CHKA: variants seen among roughly 807,000 people sequenced by gnomAD.
CHKA encodes CHETK-alpha.
CHKA carries 34 observed loss-of-function variants against 60.1 expected under a neutral mutation model. The observed-to-expected ratio is 0.57, with a 90% CI of 0.43 to 0.75. The LOEUF (loss-of-function observed/expected upper bound fraction) is 0.75, where lower values mean the gene tolerates loss of function less well. Among genes scored for constraint, CHKA ranks in the 30% least tolerant of loss-of-function variants. The probability of loss-of-function intolerance (pLI) is 0.00; values close to 1 mark genes in which losing one functional copy is unlikely to be tolerated. For missense variants in CHKA, 563 were observed against 561.3 expected (o/e 1.00, Z -0.03); for synonymous variants, 217 against 223.1 (o/e 0.97, Z 0.24).
chr11:68,114,983 T>C (rs945957261), intron 1 of CHKA, among the ~76,000 whole-genome samples: 1 of 152,226 alleles, frequency 6.6e-6, no homozygotes, highest in Non-Finnish European at 1.5e-5. Context: ...GTTCAACTTA[T>C]GATTTTTCGA....
At chr11:68,109,915 G>A (rs1015401805) in intron 1 of CHKA, among the ~76,000 whole-genome samples, 1 of 152,132 alleles carries the variant, frequency 6.6e-6, no homozygotes, top group African/African-American at 2.4e-5. Context: ...TCACGCCACT[G>A]CACTCCAGTG....
In CHKA at chr11:68,121,271, G is replaced by A. The variant is rs1858640326; in HGVS notation, c.-94C>T. 6 of 1,006,916 alleles carry A rather than the reference G, an allele frequency of 6.0e-6. No individual in the cohort carries two copies. Among genetic ancestry groups the A allele is most frequent in the Non-Finnish European group, 7.2e-6 (6 of 833,718 alleles). 62.4% of individuals were successfully genotyped at this position (1,006,916 alleles called of 1,614,324 possible). A position where few individuals can be genotyped will look rare whatever the true frequency, so the allele number is the denominator to read the frequency against. On this transcript the variant is annotated 5_prime_UTR_variant, in exon 1 of 12. Transcript: ENST00000265689. ...GCGCCCCCTCGCCGCTCTCTCACTG[G>A]CAGGCCGGCGGGGCAGGGGGCCGCG...
intron 7 of CHKA, among the ~76,000 whole-genome samples, chr11:68,068,227 G>T (rs905332968): frequency 6.6e-6 from 1 of 152,156 alleles, no homozygotes; most frequent in East Asian, 1.9e-4. Context: ...TGGTGCAGAA[G>T]GGGGAAGGGC....
intron 3 of CHKA, among the ~76,000 whole-genome samples, chr11:68,075,971 G>C (rs534230394): frequency 6.6e-6 from 1 of 152,156 alleles, no homozygotes; most frequent in Non-Finnish European, 1.5e-5. Context: ...ACCAAAAACT[G>C]AGAAACCAAG....
chr11:68,120,461 AC>A (rs1359886397), intron 1 of CHKA, among the ~76,000 whole-genome samples: 1 of 152,208 alleles, frequency 6.6e-6, no homozygotes, highest in Admixed American at 6.5e-5. Context: ...CAGCCACAAC[AC>A]CTTCATTCAA....
At chr11:68,056,182 T>C (rs558696932) in intron 11 of CHKA, among the ~76,000 whole-genome samples, 1 of 152,372 alleles carries the variant, frequency 6.6e-6, no homozygotes, top group Non-Finnish European at 1.5e-5. Flanking sequence ...CTTTTCATTT[T>C]CTCCATGATA....
At chr11:68,090,509 A>G (rs758678278) in intron 2 of CHKA, among the ~76,000 whole-genome samples, 5 of 152,216 alleles carry the variant, frequency 3.3e-5, no homozygotes, top group Non-Finnish European at 7.3e-5. Flanking sequence ...CTGATTTCTC[A>G]GTAGCTGGTA....
At chr11:68,103,504 T>C (rs1857801718) in intron 1 of CHKA, among the ~76,000 whole-genome samples, 1 of 152,180 alleles carries the variant, frequency 6.6e-6, no homozygotes, top group African/African-American at 2.4e-5. Context: ...TTACACACTG[T>C]TGATGGCAAT....
chr11:68,071,324 G>A (rs184752229), intron 4 of CHKA, among the ~76,000 whole-genome samples: 93 of 152,322 alleles, frequency 6.1e-4, no homozygotes, highest in Middle Eastern at 3.4e-3. Flanking sequence ...CAGGAGATGC[G>A]TCACAGAGAC....
chr11:68,077,985 C>G (rs1020188311), intron 3 of CHKA, among the ~76,000 whole-genome samples: 1 of 152,144 alleles, frequency 6.6e-6, no homozygotes, highest in Non-Finnish European at 1.5e-5. Context: ...CTGGGGCTTA[C>G]AGATACCAAT....
chr11:68,108,527 G>A (rs1479500022), intron 1 of CHKA, among the ~76,000 whole-genome samples: 3 of 152,172 alleles, frequency 2.0e-5, no homozygotes, highest in Non-Finnish European at 2.9e-5. Context: ...GGAGGATCAC[G>A]AGGTCAGGAG....
chr11:68,084,315 T>TAC (rs1462605145), intron 2 of CHKA, among the ~76,000 whole-genome samples: 3 of 140,150 alleles, frequency 2.1e-5, no homozygotes, highest in Admixed American at 7.1e-5. Context: ...TATATACATG[T>TAC]GTATATATAT....
At chr11:68,108,511 A>G (rs1284460727) in intron 1 of CHKA, among the ~76,000 whole-genome samples, 8 of 152,184 alleles carry the variant, frequency 5.3e-5, no homozygotes, top group East Asian at 1.9e-4. Flanking sequence ...TTGGGAGGCC[A>G]AGGCGGGAGG....
chr11:68,101,010 C>T (rs926322673), intron 1 of CHKA, among the ~76,000 whole-genome samples: 10 of 141,638 alleles, frequency 7.1e-5, no homozygotes, highest in Non-Finnish European at 9.0e-5. Flanking sequence ...TGCAACAGCG[C>T]GATCTCGGCT....
intron 10 of CHKA, among the ~76,000 whole-genome samples, chr11:68,062,766 CATCT>C (rs1394876366): frequency 2.6e-5 from 4 of 152,186 alleles, no homozygotes; most frequent in African/African-American, 9.7e-5. Context: ...GGTTCTCCTC[CATCT>C]GTTTTTTTCT....
intron 3 of CHKA, among the ~76,000 whole-genome samples, chr11:68,076,594 C>G (rs1565179294): frequency 6.6e-6 from 1 of 152,136 alleles, no homozygotes; most frequent in Non-Finnish European, 1.5e-5. Context: ...CTGTGTAAAA[C>G]ACAAAAGTAA....
intron 3 of CHKA, among the ~76,000 whole-genome samples, chr11:68,076,174 A>G (rs988789307): frequency 1.3e-5 from 2 of 152,334 alleles, no homozygotes. Context: ...TATAATCCTC[A>G]CAATTATGGC....
chr11:68,057,610 C>T (rs1051253654), intron 11 of CHKA, among the ~76,000 whole-genome samples: 2 of 152,164 alleles, frequency 1.3e-5, no homozygotes, highest in Admixed American at 6.5e-5. Context: ...TGAGCCACCG[C>T]GACCAGTCTA....
At position 68,095,382 on chromosome 11, in the gene CHKA, A is replaced by G. The variant is rs1241106256; in HGVS notation, c.462+1637T>C. On this transcript the variant is annotated intron_variant, in intron 2 of 11. Transcript: ENST00000265689. ...TGCACCACTGCACTCCAGCCTGGGCAACAGAGCAAGACTCCATCTCAAAAA... is the reference window on the plus strand; with the variant it reads ...TGCACCACTGCACTCCAGCCTGGGCGACAGAGCAAGACTCCATCTCAAAAA... 3.1e-3 allele frequency among the ~76,000 whole-genome samples: 266 copies of G among 86,338 alleles called. No homozygotes were observed. In the Middle Eastern group the frequency reaches 0.045, roughly 15 times the overall value. 56.6% of individuals were successfully genotyped at this position (86,338 alleles called of 152,430 possible).
Sources: allele counts gnomAD v4.1 joint callset (sites outside exome capture counted in the v4.1 genomes callset), GRCh38; gene constraint gnomAD v4.1.1; transcripts MANE v1.5; gene names NCBI Gene and HGNC (gene_info 2026-07-23, HGNC 2026-07-21).